Variants in TTC29 observed in about 807,000 individuals in gnomAD.
TTC29 encodes the protein tetratricopeptide repeat protein 29.
In TTC29, 49 loss-of-function variants were observed where a neutral mutation model predicts 58.1. That is an observed-to-expected ratio of 0.84 (90% CI 0.67 to 1.07). The LOEUF (loss-of-function observed/expected upper bound fraction) is 1.07. Among genes scored for constraint, TTC29 ranks in the 50% least tolerant of loss-of-function variants. The pLI is 0.00. For missense variants in TTC29, 582 were observed against 555.6 expected (o/e 1.05, Z -0.48); for synonymous variants, 209 against 196.8 (o/e 1.06, Z -0.52).
intron 11 of TTC29, among the ~76,000 whole-genome samples, chr4:146,762,996 C>A (rs758131534): frequency 6.6e-5 from 10 of 152,004 alleles, no homozygotes; most frequent in Admixed American, 5.3e-4. Flanking sequence ...GTTTTCATAG[C>A]AGTCAATTCC....
chr4:146,806,720 G>A (rs192076098), intron 10 of TTC29, among the ~76,000 whole-genome samples: 1 of 151,912 alleles, frequency 6.6e-6, no homozygotes, highest in Non-Finnish European at 1.5e-5. Flanking sequence ...CCATACAGGA[G>A]CACCCAGATG....
intron 11 of TTC29, among the ~76,000 whole-genome samples, chr4:146,798,886 C>CAA (rs70958529): frequency 0.019 from 350 of 18,210 alleles, 41 homozygotes; most frequent in African/African-American, 0.036. Flanking sequence ...GACTCCGTCT[C>CAA]AAAAAAAAAA....
chr4:146,754,762 A>T (rs1746308050), intron 11 of TTC29, among the ~76,000 whole-genome samples: 1 of 152,138 alleles, frequency 6.6e-6, no homozygotes, highest in Admixed American at 6.6e-5. Context: ...GTATAGAAGG[A>T]AAGTAGCTCA....
At chr4:146,796,127 T>A (rs1350028624) in intron 11 of TTC29, among the ~76,000 whole-genome samples, 4 of 152,168 alleles carry the variant, frequency 2.6e-5, no homozygotes, top group Non-Finnish European at 5.9e-5. Flanking sequence ...CAAGTGATGA[T>A]GAGTTCAGTG....
intron 11 of TTC29, among the ~76,000 whole-genome samples, chr4:146,775,413 C>T (rs1748015813): frequency 6.6e-6 from 1 of 152,152 alleles, no homozygotes; most frequent in Admixed American, 6.5e-5. Flanking sequence ...TTAGCACTCC[C>T]TTAAGGACCT....
At chr4:146,828,445 G>T (rs1429909881) in intron 9 of TTC29, among the ~76,000 whole-genome samples, 2 of 151,914 alleles carry the variant, frequency 1.3e-5, no homozygotes, top group Non-Finnish European at 2.9e-5. Context: ...GAAACATGAT[G>T]ATTTCTCTGA....
intron 8 of TTC29, among the ~76,000 whole-genome samples, chr4:146,856,628 TATAATC>T (rs1390561124): frequency 6.6e-6 from 1 of 151,374 alleles, no homozygotes; most frequent in Non-Finnish European, 1.5e-5. Context: ...TGACAAATAC[TATAATC>T]AAGGTAAAAA....
At chr4:146,814,757 G>A (rs1293968299) in intron 10 of TTC29, among the ~76,000 whole-genome samples, 1 of 151,258 alleles carries the variant, frequency 6.6e-6, no homozygotes, top group Non-Finnish European at 1.5e-5. Context: ...AAAAGGGGAG[G>A]GGGGCGACTT....
intron 11 of TTC29, among the ~76,000 whole-genome samples, chr4:146,787,291 T>G (rs1251940492): frequency 6.6e-6 from 1 of 152,132 alleles, no homozygotes; most frequent in African/African-American, 2.4e-5. Context: ...GTGGGACAAA[T>G]GAAAGAATTC....
At chr4:146,735,035 G>GA (rs781727676) in intron 11 of TTC29, among the ~76,000 whole-genome samples, 10 of 151,998 alleles carry the variant, frequency 6.6e-5, no homozygotes, top group Admixed American at 2.0e-4. Context: ...AAACTAATAA[G>GA]AAAAAAGCAA....
At chr4:146,741,996 C>T (rs1561079427) in intron 11 of TTC29, among the ~76,000 whole-genome samples, 1 of 152,172 alleles carries the variant, frequency 6.6e-6, no homozygotes, top group Admixed American at 6.5e-5. Flanking sequence ...CATGCATTAT[C>T]TCATTTAACT....
chr4:146,853,004 T>C (rs1056619787), intron 8 of TTC29, among the ~76,000 whole-genome samples: 1 of 152,182 alleles, frequency 6.6e-6, no homozygotes, highest in African/African-American at 2.4e-5. Context: ...AGATAAGCTG[T>C]TGAAATGACT....
intron 11 of TTC29, among the ~76,000 whole-genome samples, chr4:146,774,330 T>C (rs1747939544): frequency 6.6e-6 from 1 of 152,184 alleles, no homozygotes; most frequent in South Asian, 2.1e-4. Context: ...ATGTTGTTAA[T>C]GAGAGATCTT....
intron 6 of TTC29, among the ~76,000 whole-genome samples, chr4:146,889,668 C>A (rs1344459532): frequency 6.6e-6 from 1 of 152,038 alleles, no homozygotes; most frequent in African/African-American, 2.4e-5. Flanking sequence ...AAATGTTATT[C>A]CATGACAAAT....
intron 6 of TTC29, 122 bp from the exon 7 acceptor site, chr4:146,875,050 C>A: frequency 1.4e-6 from 1 of 737,476 alleles, no homozygotes; most frequent in Non-Finnish European, 2.2e-6. Flanking sequence ...TGAAGGATTT[C>A]TAAGGCTGAA....
intron 6 of TTC29, among the ~76,000 whole-genome samples, chr4:146,901,181 AACTTG>A (rs546357400): frequency 5.4e-4 from 82 of 152,298 alleles, no homozygotes; most frequent in Non-Finnish European, 9.7e-4. Context: ...TGAAAATTAA[AACTTG>A]ACTTTTAGCA....
intron 5 of TTC29, among the ~76,000 whole-genome samples, chr4:146,906,640 T>C (rs1259624636): frequency 6.6e-6 from 1 of 152,248 alleles, no homozygotes; most frequent in African/African-American, 2.4e-5. Context: ...ATAAAGTTCA[T>C]GTGTTGAATG....
chr4:146,776,772 C>T (rs1748131982), intron 11 of TTC29, among the ~76,000 whole-genome samples: 1 of 152,190 alleles, frequency 6.6e-6, no homozygotes, highest in South Asian at 2.1e-4. Flanking sequence ...TACACATTGG[C>T]TGGAGTGGAG....
At chr4:146,854,853 C>T (rs1010827879) in intron 8 of TTC29, among the ~76,000 whole-genome samples, 1 of 152,200 alleles carries the variant, frequency 6.6e-6, no homozygotes, top group Non-Finnish European at 1.5e-5. Context: ...ATTCCTCCCT[C>T]GAAATGCTCA....
Sources: allele counts gnomAD v4.1 joint callset (sites outside exome capture counted in the v4.1 genomes callset), GRCh38; gene constraint gnomAD v4.1.1; transcripts MANE v1.5; gene names NCBI Gene and HGNC (gene_info 2026-07-23, HGNC 2026-07-21).